Variants in EYS observed in about 807,000 individuals in gnomAD.
EYS encodes the protein EGF-like photoreceptor maintenance factor.
EYS carries 250 observed loss-of-function variants against 282.1 expected under a neutral mutation model. The observed-to-expected ratio is 0.89, with a 90% CI of 0.80 to 0.98. The LOEUF (loss-of-function observed/expected upper bound fraction) is 0.98, where lower values mean the gene tolerates loss of function less well. Among genes scored for constraint, EYS ranks in the 50% least tolerant of loss-of-function variants. The probability of loss-of-function intolerance (pLI) is 0.00; values close to 1 mark genes in which losing one functional copy is unlikely to be tolerated. For synonymous variants in EYS, 1,355 were observed against 1,282.9 expected (o/e 1.06, Z -1.20); for missense variants, 4,016 against 3,709.0 (o/e 1.08, Z -2.15).
intron 19 of EYS, among the ~76,000 whole-genome samples, chr6:64,837,083 A>G (rs893489238): frequency 1.3e-5 from 2 of 151,762 alleles, no homozygotes; most frequent in East Asian, 3.9e-4. Flanking sequence ...AACTAATAAT[A>G]AATCCATCTT....
At chr6:64,210,402 C>T (rs542061420) in intron 31 of EYS, among the ~76,000 whole-genome samples, 2 of 152,206 alleles carry the variant, frequency 1.3e-5, no homozygotes, top group East Asian at 3.9e-4. Flanking sequence ...CTCTCTGTGT[C>T]CTCTCATGGT....
At chr6:65,277,692 T>C (rs1011068236) in intron 12 of EYS, among the ~76,000 whole-genome samples, 1 of 152,160 alleles carries the variant, frequency 6.6e-6, no homozygotes, top group Non-Finnish European at 1.5e-5. Flanking sequence ...AATTAAGTTA[T>C]GGGATATGAA....
chr6:65,218,202 T>C lies in EYS; in HGVS notation c.2023+77661A>G, dbSNP rs181354958. On this transcript the variant is annotated intron_variant, in intron 12 of 42. Coordinates refer to ENST00000503581, the MANE Select transcript of EYS (RefSeq NM_001142800.2). ...GAAGATAAATGAACATTAGATAGTA[T>C]GGGGGATAGTTATAAAGCAGAAAGT... Among the ~76,000 whole-genome samples, 4 of 152,180 alleles carry C rather than the reference T, an allele frequency of 2.6e-5. No homozygotes were observed. The East Asian group carries it at 7.7e-4, about 29-fold the overall frequency.
chr6:64,656,096 T>C (rs9445092), intron 22 of EYS, among the ~76,000 whole-genome samples: 29,625 of 152,110 alleles, frequency 0.19, 3,408 homozygotes, highest in East Asian at 0.35. Context: ...ACCTATTATG[T>C]TATGAGGTAT....
intron 39 of EYS, among the ~76,000 whole-genome samples, chr6:63,780,357 A>C (rs180823179): frequency 0.012 from 1,849 of 152,226 alleles, 31 homozygotes; most frequent in African/African-American, 0.043. Context: ...AGTTTACAGT[A>C]CCGCCAACAG....
chr6:65,356,702 T>G (rs114534662), intron 8 of EYS, among the ~76,000 whole-genome samples: 2 of 152,052 alleles, frequency 1.3e-5, no homozygotes, highest in African/African-American at 4.8e-5. Flanking sequence ...TTATTTGTGA[T>G]TGCAGCTCTT....
At chr6:65,353,665 T>G (rs764606980) in intron 8 of EYS, 48 bp from the exon 9 acceptor site, 2 of 1,514,858 alleles carry the variant, frequency 1.3e-6, no homozygotes, top group East Asian at 2.4e-5. Context: ...TTTGATATAT[T>G]TTTCAATATA....
intron 1 of EYS, among the ~76,000 whole-genome samples, chr6:65,662,066 C>A (rs542481041): frequency 2.6e-5 from 4 of 151,994 alleles, no homozygotes; most frequent in African/African-American, 9.6e-5. Flanking sequence ...TACTTTTTTT[C>A]TGGTCACACC....
intron 19 of EYS, among the ~76,000 whole-genome samples, chr6:64,866,714 A>C (rs968305496): frequency 2.0e-5 from 3 of 151,766 alleles, no homozygotes; most frequent in Non-Finnish European, 4.4e-5. Context: ...TTTTGTCCAA[A>C]TATATCTTTA....
chr6:63,886,067 C>T (rs900677443), intron 35 of EYS, among the ~76,000 whole-genome samples: 3 of 152,144 alleles, frequency 2.0e-5, no homozygotes, highest in African/African-American at 7.2e-5. Flanking sequence ...TCTGAGATTT[C>T]CTGGTAGTTA....
chr6:64,884,882 T>C (rs73767150), intron 19 of EYS, among the ~76,000 whole-genome samples: 3 of 151,586 alleles, frequency 2.0e-5, no homozygotes, highest in African/African-American at 4.8e-5. Flanking sequence ...AAAATGGACA[T>C]GTGAGCAGTT....
chr6:64,023,997 T>C lies in EYS; in HGVS notation c.6726-24814A>G, dbSNP rs546248098. Reference sequence around the variant, plus strand: ...CGGGGCAGGGCTCAGGACATGCAGCTCGCCATGCCTGAGCCTCCCCCTCTC... The same window carrying C: ...CGGGGCAGGGCTCAGGACATGCAGCCCGCCATGCCTGAGCCTCCCCCTCTC... On this transcript the variant is annotated intron_variant, in intron 33 of 42. Coordinates refer to ENST00000503581, the MANE Select transcript of EYS (RefSeq NM_001142800.2). Among the ~76,000 whole-genome samples the C allele has an allele frequency of 5.9e-5, 9 of 152,268 alleles. No individual in the cohort carries two copies. In the East Asian group the frequency reaches 1.7e-3, roughly 29 times the overall value.
At chr6:65,065,429 C>A (rs1365416146) in intron 12 of EYS, among the ~76,000 whole-genome samples, 2 of 150,092 alleles carry the variant, frequency 1.3e-5, no homozygotes, top group African/African-American at 4.9e-5. Context: ...GTCTCCCAGG[C>A]TGGAGTGCAG....
chr6:65,546,717 G>T (rs754371874), intron 2 of EYS, among the ~76,000 whole-genome samples: 1 of 151,816 alleles, frequency 6.6e-6, no homozygotes, highest in East Asian at 1.9e-4. Flanking sequence ...GATTACAGGC[G>T]CCTGCTACCA....
intron 35 of EYS, among the ~76,000 whole-genome samples, chr6:63,947,579 C>T (rs905912630): frequency 3.9e-5 from 6 of 151,994 alleles, no homozygotes; most frequent in Admixed American, 6.6e-5. Context: ...TTGTGAATCC[C>T]GCCCCAACAG....
chr6:65,540,747 C>T (rs1485245454), intron 2 of EYS, among the ~76,000 whole-genome samples: 2 of 151,916 alleles, frequency 1.3e-5, no homozygotes, highest in Non-Finnish European at 2.9e-5. Flanking sequence ...GGTGAAACCC[C>T]GTCTCTACTA....
chr6:64,339,647 A>C (rs1053527810), intron 29 of EYS, among the ~76,000 whole-genome samples: 1 of 151,960 alleles, frequency 6.6e-6, no homozygotes, highest in African/African-American at 2.4e-5. Context: ...CCAGAGGAAA[A>C]GAAGTCATTA....
intron 2 of EYS, among the ~76,000 whole-genome samples, chr6:65,593,177 G>A (rs1002715637): frequency 2.6e-5 from 4 of 151,984 alleles, no homozygotes; most frequent in African/African-American, 9.7e-5. Flanking sequence ...AACATTTCTA[G>A]ACATAAATGT....
intron 26 of EYS, among the ~76,000 whole-genome samples, chr6:64,552,503 G>C (rs1765116078): frequency 6.6e-6 from 1 of 152,108 alleles, no homozygotes; most frequent in South Asian, 2.1e-4. Flanking sequence ...GCTACCTGGA[G>C]CCTTCATCTG....
Sources: gnomAD v4.1 joint callset for allele counts (sites outside exome capture counted in the v4.1 genomes callset) on GRCh38, gnomAD v4.1.1 for gene constraint, MANE v1.5 for transcripts, NCBI Gene and HGNC (gene_info 2026-07-23, HGNC 2026-07-21) for gene names.